Variants in C21orf91 observed in about 807,000 individuals in gnomAD.
C21orf91 encodes the protein chromosome 21 open reading frame 91, also known as protein EURL homolog.
In C21orf91, 26 loss-of-function variants were observed where a neutral mutation model predicts 32.9. The observed-to-expected ratio is 0.79, with a 90% CI of 0.58 to 1.10. The LOEUF (loss-of-function observed/expected upper bound fraction) is 1.10, where lower values mean the gene tolerates loss of function less well. Ranked by LOEUF, C21orf91 falls within the 50% of genes least tolerant of loss-of-function variation. The pLI is 0.00. For synonymous variants in C21orf91, 126 were observed against 120.4 expected (o/e 1.05, Z -0.31); for missense variants, 310 against 341.3 (o/e 0.91, Z 0.72).
At chr21:17,809,920 G>C (rs1433878902) in intron 2 of C21orf91, among the ~76,000 whole-genome samples, 1 of 152,146 alleles carries the variant, frequency 6.6e-6, no homozygotes, top group Non-Finnish European at 1.5e-5. Context: ...AACTCAGACA[G>C]TAACAGCAAA....
At chr21:17,815,262 T>C (rs528695293) in intron 2 of C21orf91, among the ~76,000 whole-genome samples, 1 of 152,310 alleles carries the variant, frequency 6.6e-6, no homozygotes, top group South Asian at 2.1e-4. Context: ...AGCTTAACTG[T>C]TATTATTCCT....
chr21:17,793,436 C>T lies in C21orf91; in HGVS notation c.873G>A (p.Ser291=), dbSNP rs373599266. 1.9e-6 allele frequency: 3 copies of T among 1,610,412 alleles called. No homozygotes were observed. The highest frequency in any genetic ancestry group is 2.2e-5 in the East Asian group (1 of 44,764). ...CLQVGRTGMK[S]HLPINN is the part of the protein sequence containing the mutation. ...TAGGTCAGTTGTTTATGGGTAGGTG[C>T]GACTTCATTCCTGTTCGCCCTACTT... is the stretch of plus-strand genomic sequence containing the variant. The change falls in exon 5 of 5, where the codon TCG becomes TCA. Residue 291 remains serine, a synonymous_variant. Transcript: ENST00000284881.
At chr21:17,804,219 C>G (rs2062580996) in intron 2 of C21orf91, among the ~76,000 whole-genome samples, 1 of 152,240 alleles carries the variant, frequency 6.6e-6, no homozygotes, top group African/African-American at 2.4e-5. Context: ...TATTGCCAAG[C>G]ACTGCCACTG....
Position 17,796,751 on chromosome 21 carries a change from C to T in C21orf91, c.495G>A (p.Arg165=). Residue 165 remains arginine (R), a synonymous_variant, in exon 3 of 5, where the codon AGG becomes AGA. Coordinates refer to ENST00000284881, the MANE Select transcript of C21orf91 (RefSeq NM_001100420.2). ...SNCTQRILEQ[R]ENTDFGLSML... is the part of the protein sequence containing the mutation. The stretch of plus-strand genomic sequence containing the variant: ...TAGAAAGTCCAAAGTCTGTATTTTC[C>T]CTCTGCTCCAAAATTCTTTGTGTAC... The T allele has an allele frequency of 6.2e-7, 1 of 1,614,130 alleles. No individual in the cohort carries two copies. The highest frequency in any genetic ancestry group is 1.1e-5 in the South Asian group (1 of 91,080).
intron 4 of C21orf91, among the ~76,000 whole-genome samples, chr21:17,794,473 A>G (rs1315076343): frequency 6.6e-6 from 1 of 152,202 alleles, no homozygotes; most frequent in African/African-American, 2.4e-5. Context: ...ACAGTGTGTT[A>G]GCTAGGATTT....
intron 2 of C21orf91, among the ~76,000 whole-genome samples, chr21:17,803,767 G>A (rs1461992456): frequency 2.0e-5 from 3 of 152,138 alleles, no homozygotes; most frequent in African/African-American, 7.2e-5. Context: ...GGATGAAAAT[G>A]TTACTTGTTT....
At chr21:17,812,652 A>G (rs937523270) in intron 2 of C21orf91, among the ~76,000 whole-genome samples, 1 of 152,086 alleles carries the variant, frequency 6.6e-6, no homozygotes, top group Non-Finnish European at 1.5e-5. Flanking sequence ...TACTAAAACT[A>G]CAAAAAATTA....
At chr21:17,807,580 G>A (rs2062606206) in intron 2 of C21orf91, among the ~76,000 whole-genome samples, 1 of 152,194 alleles carries the variant, frequency 6.6e-6, no homozygotes, top group African/African-American at 2.4e-5. Context: ...GGATGATAAG[G>A]GAAACTTCGG....
In C21orf91 at chr21:17,793,575, A is replaced by G; in HGVS notation, c.734T>C (p.Phe245Ser). Residue 245 changes from phenylalanine (F) to serine (S), a missense_variant, in exon 5 of 5, where the codon TTT (phenylalanine) becomes TCT (serine). Transcript: ENST00000284881. Reference protein sequence around the residue: ...AKLLQQIQEVFEELTHQVQEK... With the variant: ...AKLLQQIQEVSEELTHQVQEK... ...TTGCACTTGGTGAGTTAACTCTTCA[A>G]AAACTTCTGTAAAAGATTTAAAAAC... 6.2e-7 allele frequency: 1 copy of G among 1,605,282 alleles called. No homozygotes were observed. The highest frequency in any genetic ancestry group is 1.1e-5 in the South Asian group (1 of 90,404).
intron 3 of C21orf91, 60 bp downstream of exon 3, chr21:17,796,522 A>C (rs2062519049): frequency 2.3e-6 from 3 of 1,309,462 alleles, no homozygotes; most frequent in Non-Finnish European, 3.2e-6. Context: ...TTACACATCT[A>C]TACAAATGTA....
chr21:17,815,982 T>C (rs2062662855), intron 2 of C21orf91, among the ~76,000 whole-genome samples: 1 of 152,190 alleles, frequency 6.6e-6, no homozygotes, highest in South Asian at 2.1e-4. Context: ...AACAAAAAAG[T>C]TGTAATACAC....
intron 2 of C21orf91, among the ~76,000 whole-genome samples, chr21:17,817,209 C>T (rs2062669522): frequency 6.6e-6 from 1 of 152,112 alleles, no homozygotes; most frequent in Non-Finnish European, 1.5e-5. Context: ...CCATAATCTT[C>T]CATCACATAC....
chr21:17,812,487 G>A (rs1368955377), intron 2 of C21orf91, among the ~76,000 whole-genome samples: 2 of 152,130 alleles, frequency 1.3e-5, no homozygotes, highest in Non-Finnish European at 2.9e-5. Flanking sequence ...TGTAGGAGTG[G>A]GTTAGTTATC....
chr21:17,800,289 A>G (rs2062550053), intron 2 of C21orf91, among the ~76,000 whole-genome samples: 1 of 152,202 alleles, frequency 6.6e-6, no homozygotes, highest in Non-Finnish European at 1.5e-5. Flanking sequence ...TTTTATAAAC[A>G]TATTTAAAAA....
intron 3 of C21orf91, among the ~76,000 whole-genome samples, chr21:17,796,192 TCA>T (rs1568749005): frequency 6.6e-6 from 1 of 152,212 alleles, no homozygotes; most frequent in Non-Finnish European, 1.5e-5. Flanking sequence ...TAGTAAAATG[TCA>T]CATTTTTGCT....
At chr21:17,819,172 G>C (rs1444016163) in intron 1 of C21orf91, 131 bp downstream of exon 1, 1 of 152,254 alleles carries the variant, frequency 6.6e-6, no homozygotes, top group Non-Finnish European at 1.5e-5. Context: ...TCTTTCCGTC[G>C]GTCTGTCCGT....
At chr21:17,818,113 T>C in intron 2 of C21orf91, 79 bp downstream of exon 2, 1 of 968,742 alleles carries the variant, frequency 1.0e-6, no homozygotes, top group Non-Finnish European at 1.6e-6. Context: ...TTGAAGACAT[T>C]TTAGTTTTAC....
At chr21:17,804,376 C>G (rs1189181512) in intron 2 of C21orf91, among the ~76,000 whole-genome samples, 2 of 152,172 alleles carry the variant, frequency 1.3e-5, no homozygotes, top group Admixed American at 6.5e-5. Flanking sequence ...ATCAGTTGTC[C>G]TAGGTGTCTT....
At chr21:17,799,276 A>G (rs1221179445) in intron 2 of C21orf91, among the ~76,000 whole-genome samples, 3 of 152,142 alleles carry the variant, frequency 2.0e-5, no homozygotes, top group African/African-American at 7.2e-5. Context: ...GAGGACTTGT[A>G]ATGTTTATCT....
Sources: gnomAD v4.1 joint callset for allele counts (sites outside exome capture counted in the v4.1 genomes callset) on GRCh38, gnomAD v4.1.1 for gene constraint, MANE v1.5 for transcripts, NCBI Gene and HGNC (gene_info 2026-07-23, HGNC 2026-07-21) for gene names.